C5orf34: variants seen among roughly 807,000 people sequenced by gnomAD.
C5orf34 encodes chromosome 5 open reading frame 34.
A neutral mutation model predicts 78.4 loss-of-function variants in C5orf34; 73 were observed. The ratio of observed to expected loss-of-function variants is 0.93; its 90% confidence interval spans 0.77 to 1.13. C5orf34 has a LOEUF of 1.13. Among genes scored for constraint, C5orf34 ranks in the 50% most tolerant of loss-of-function variants. C5orf34 has a pLI of 0.00. For synonymous variants in C5orf34, 251 were observed against 246.6 expected (o/e 1.02, Z -0.17); for missense variants, 730 against 732.7 (o/e 1.00, Z 0.04).
At chr5:43,495,840 T>C (rs1745494088) in intron 6 of C5orf34, 2 of 1,589,228 alleles carry the variant, frequency 1.3e-6, no homozygotes, top group Non-Finnish European at 1.7e-6. Flanking sequence ...CAAGGCATGT[T>C]AGCACTCGGC....
At chr5:43,494,457 G>T in intron 7 of C5orf34, 53 bp downstream of exon 7, 1 of 1,143,456 alleles carries the variant, frequency 8.7e-7, no homozygotes, top group Non-Finnish European at 1.3e-6. Flanking sequence ...AAGAAAATGT[G>T]CCAAGATGTT....
rs761546731 is a variant in C5orf34 at position 43,506,105 on chromosome 5, T to C, written c.575A>G (p.Lys192Arg). ...GCAATGAAACTCATTTTCTTTATTCTTCAGTCTCTGTCCTGGTAAATTTCC... is the reference window on the plus strand; with the variant it reads ...GCAATGAAACTCATTTTCTTTATTCCTCAGTCTCTGTCCTGGTAAATTTCC... ...IRGNLPGQRL[K>R]NKENEFHCQI... Residue 192 changes from lysine (K) to arginine (R), a missense_variant, in exon 4 of 13, where the codon AAG becomes AGG. Lys to Arg is a conservative substitution (Grantham distance 26). Coordinates refer to ENST00000306862, the MANE Select transcript of C5orf34 (RefSeq NM_198566.4). The C allele has an allele frequency of 1.3e-5, 21 of 1,614,208 alleles. No individual in the cohort carries two copies. Among genetic ancestry groups the C allele is most frequent in the Non-Finnish European group, 1.7e-5 (20 of 1,180,038 alleles).
intron 3 of C5orf34, 24 bp downstream of exon 3, chr5:43,508,553 C>T: frequency 7.3e-7 from 1 of 1,372,424 alleles, no homozygotes. Flanking sequence ...ATAATACTAA[C>T]AAAAATGAAG....
intron 6 of C5orf34, among the ~76,000 whole-genome samples, 180 bp downstream of exon 6, chr5:43,502,192 T>TA (rs760881882): frequency 1.8e-4 from 27 of 152,206 alleles, no homozygotes; most frequent in Non-Finnish European, 2.8e-4. Flanking sequence ...GAAAATACAG[T>TA]AAAAATAAGG....
rs772859823 is a variant in C5orf34, at chr5:43,505,851, G to C, written c.829C>G (p.Gln277Glu). The C allele has an allele frequency of 1.9e-6, 3 of 1,613,690 alleles. No homozygotes were observed. The South Asian group carries it at 3.3e-5, about 18-fold the overall frequency. ...NMSKIDAHIT[Q>E]SRFLTSDISE... is the part of the protein sequence containing the mutation. ...ATATCAGAAGTTAAAAATCTACTCTGAGTTATATGTGCATCAATTTTAGAC... is the reference window on the plus strand; with the variant it reads ...ATATCAGAAGTTAAAAATCTACTCTCAGTTATATGTGCATCAATTTTAGAC... The change falls in exon 4 of 13, where the codon CAG becomes GAG. Residue 277 changes from glutamine to glutamate, a missense_variant. Physicochemically the swap from Gln to Glu is conservative, Grantham distance 29 (BLOSUM62 2). Transcript: ENST00000306862.
Position 43,506,121 on chromosome 5 carries a change from G to T in C5orf34, c.559C>A (p.Pro187Thr). The T allele has an allele frequency of 6.2e-7, 1 of 1,614,088 alleles. No individual in the cohort carries two copies. The highest frequency in any genetic ancestry group is 1.3e-5 in the African/African-American group (1 of 74,988). ...TCTTTATTCTTCAGTCTCTGTCCTG[G>T]TAAATTTCCACGTATACAGATTTTG... Reference protein sequence around the residue: ...TGKICIRGNLPGQRLKNKENE... With the variant: ...TGKICIRGNLTGQRLKNKENE... The change falls in exon 4 of 13, where the codon CCA becomes ACA. Residue 187 changes from proline to threonine, a missense_variant. Pro to Thr is a conservative substitution (Grantham distance 38). Coordinates refer to ENST00000306862, the MANE Select transcript of C5orf34 (RefSeq NM_198566.4).
chr5:43,511,510 GC>G (rs1279927763), intron 1 of C5orf34, among the ~76,000 whole-genome samples: 1 of 152,202 alleles, frequency 6.6e-6, no homozygotes, highest in Non-Finnish European at 1.5e-5. Context: ...CTGCCCGGCC[GC>G]CACCCCGTCT....
chr5:43,513,651 A>C (rs916110850), intron 1 of C5orf34, among the ~76,000 whole-genome samples: 2 of 152,222 alleles, frequency 1.3e-5, no homozygotes, highest in South Asian at 4.1e-4. Flanking sequence ...TTGGCATTTT[A>C]AATGTTCTTT....
chr5:43,496,986 C>T (rs961351062), intron 6 of C5orf34, among the ~76,000 whole-genome samples: 2 of 152,214 alleles, frequency 1.3e-5, no homozygotes, highest in African/African-American at 4.8e-5. Context: ...TGAGCCACCC[C>T]TTTCCCTTAA....
At chr5:43,488,027 A>C (rs1004252152) in intron 11 of C5orf34, 78 bp from the exon 12 acceptor site, 7 of 1,125,864 alleles carry the variant, frequency 6.2e-6, no homozygotes, top group African/African-American at 3.2e-5. Context: ...AGCATACCTG[A>C]CTTTTTTTTT....
At chr5:43,503,305 C>T (rs935406424) in intron 5 of C5orf34, among the ~76,000 whole-genome samples, 1 of 152,190 alleles carries the variant, frequency 6.6e-6, no homozygotes, top group East Asian at 1.9e-4. Context: ...TCTCTAATTC[C>T]ATGCTCAAGC....
intron 6 of C5orf34, chr5:43,495,620 A>C: frequency 6.2e-7 from 1 of 1,606,808 alleles, no homozygotes; most frequent in Non-Finnish European, 8.5e-7. Flanking sequence ...GACTGGAGCA[A>C]AGGTGACCAC....
intron 1 of C5orf34, among the ~76,000 whole-genome samples, chr5:43,511,552 G>A (rs1478989159): frequency 2.6e-5 from 4 of 152,130 alleles, no homozygotes; most frequent in Non-Finnish European, 5.9e-5. Context: ...CATTAAGAAC[G>A]GGCCATGATG....
intron 6 of C5orf34, chr5:43,496,550 A>G: frequency 1.1e-6 from 1 of 944,086 alleles, no homozygotes; most frequent in Admixed American, 3.0e-5. Context: ...AAAAATATAG[A>G]ATTACTCCTA....
chr5:43,493,289 A>G (rs1049164841), intron 8 of C5orf34, among the ~76,000 whole-genome samples: 1 of 152,128 alleles, frequency 6.6e-6, no homozygotes, highest in Non-Finnish European at 1.5e-5. Context: ...ATGATTTTAC[A>G]TACTTCAAAT....
intron 11 of C5orf34, chr5:43,490,370 A>G (rs1745229948): frequency 3.9e-6 from 1 of 254,556 alleles, no homozygotes; most frequent in East Asian, 7.5e-5. Flanking sequence ...ACATAAAAAG[A>G]GCCACTCATT....
chr5:43,498,442 C>G (rs879076002), intron 6 of C5orf34, among the ~76,000 whole-genome samples: 1 of 151,988 alleles, frequency 6.6e-6, no homozygotes, highest in Admixed American at 6.6e-5. Flanking sequence ...TTAATAATCT[C>G]AAATCCTTAA....
chr5:43,508,486 T>G, intron 3 of C5orf34, 91 bp downstream of exon 3: 1 of 763,026 alleles, frequency 1.3e-6, no homozygotes, highest in Admixed American at 2.4e-5. Flanking sequence ...CCAGGTGTCC[T>G]GAAAAGGAAA....
chr5:43,509,323 C>A lies in C5orf34; in HGVS notation c.17G>T (p.Arg6Leu), dbSNP rs374871581. Residue 6 changes from arginine to leucine, a missense_variant, in exon 2 of 13, where the codon CGA becomes CTA. Coordinates refer to ENST00000306862, the MANE Select transcript of C5orf34 (RefSeq NM_198566.4). Reference sequence around the variant, plus strand: ...TGAATCATCTTCATAAAGTATCATTCGCAGTTCAGCTGCCATTACAACGGC... The same window carrying A: ...TGAATCATCTTCATAAAGTATCATTAGCAGTTCAGCTGCCATTACAACGGC... The part of the protein sequence containing the change: MAAEL[R>L]MILYEDDSVQ... 1 of 1,608,462 alleles carries A rather than the reference C, an allele frequency of 6.2e-7. No individual in the cohort carries two copies. The highest frequency in any genetic ancestry group is 1.7e-5 in the Admixed American group (1 of 59,184).
Sources: allele counts gnomAD v4.1 joint callset (sites outside exome capture counted in the v4.1 genomes callset), GRCh38; gene constraint gnomAD v4.1.1; transcripts MANE v1.5; gene names NCBI Gene and HGNC (gene_info 2026-07-23, HGNC 2026-07-21).